Variants in GRIK2 observed in about 807,000 individuals in gnomAD.
The protein encoded by GRIK2 is glutamate receptor ionotropic, kainate 2.
Under a neutral mutation model 100.3 loss-of-function variants are expected in GRIK2, and 32 were observed. The ratio of observed to expected loss-of-function variants is 0.32; its 90% CI spans 0.24 to 0.43. The LOEUF is 0.43. GRIK2 is among the 20% of genes least tolerant of loss of function. The pLI, the probability that GRIK2 is intolerant of heterozygous loss-of-function variation, is 1.00. For missense variants in GRIK2, 843 were observed against 1,114.9 expected (o/e 0.76, Z 3.47); for synonymous variants, 417 against 389.4 (o/e 1.07, Z -0.83).
chr6:101,407,710 A>T (rs758916549), intron 2 of GRIK2, among the ~76,000 whole-genome samples: 29 of 152,150 alleles, frequency 1.9e-4, no homozygotes, highest in Non-Finnish European at 3.5e-4. Flanking sequence ...TATTAAAGTG[A>T]GCACATATTA....
intron 7 of GRIK2, among the ~76,000 whole-genome samples, chr6:101,791,512 G>A (rs1157524073): frequency 9.9e-5 from 15 of 152,272 alleles, no homozygotes; most frequent in African/African-American, 3.6e-4. Flanking sequence ...ATGTAGTTGT[G>A]CGGTTTTGAG....
intron 10 of GRIK2, among the ~76,000 whole-genome samples, chr6:101,838,525 T>A (rs1257984973): frequency 6.6e-6 from 1 of 152,210 alleles, no homozygotes; most frequent in Non-Finnish European, 1.5e-5. Flanking sequence ...GACTGTGGTA[T>A]TACCTACGTA....
At chr6:101,677,624 G>C (rs1193791796) in intron 5 of GRIK2, among the ~76,000 whole-genome samples, 3 of 152,112 alleles carry the variant, frequency 2.0e-5, no homozygotes, top group African/African-American at 7.2e-5. Context: ...CTATGTAGTA[G>C]AGCCTGGATT....
At chr6:102,001,395 C>A (rs909649154) in intron 14 of GRIK2, among the ~76,000 whole-genome samples, 3 of 151,668 alleles carry the variant, frequency 2.0e-5, no homozygotes, top group Admixed American at 2.0e-4. Context: ...TGTGATGTTC[C>A]CCTCCCTGTG....
chr6:102,050,116 T>C (rs919345039), intron 15 of GRIK2, among the ~76,000 whole-genome samples: 1 of 152,122 alleles, frequency 6.6e-6, no homozygotes, highest in African/African-American at 2.4e-5. Flanking sequence ...ATTGAGAGTT[T>C]GTACAGGGTA....
At chr6:101,921,120 G>A (rs936357128) in intron 12 of GRIK2, among the ~76,000 whole-genome samples, 2 of 152,040 alleles carry the variant, frequency 1.3e-5, no homozygotes, top group Non-Finnish European at 1.5e-5. Flanking sequence ...AACTGCTGGA[G>A]TTTTGGGTTA....
At chr6:101,523,437 C>T (rs1562199518) in intron 2 of GRIK2, among the ~76,000 whole-genome samples, 1 of 152,076 alleles carries the variant, frequency 6.6e-6, no homozygotes, top group Admixed American at 6.6e-5. Context: ...AGTAGAAGTA[C>T]AGCATAAGGG....
At chr6:101,663,172 G>C (rs1413619993) in intron 4 of GRIK2, among the ~76,000 whole-genome samples, 1 of 152,126 alleles carries the variant, frequency 6.6e-6, no homozygotes, top group Non-Finnish European at 1.5e-5. Context: ...GATGTATTAA[G>C]TGCCAGTATA....
chr6:101,409,067 T>A (rs1382857278), intron 2 of GRIK2, among the ~76,000 whole-genome samples: 1 of 151,980 alleles, frequency 6.6e-6, no homozygotes, highest in Non-Finnish European at 1.5e-5. Flanking sequence ...CAATGTTTTA[T>A]GTTTAGTTCC....
intron 14 of GRIK2, among the ~76,000 whole-genome samples, chr6:102,007,430 A>G (rs1337849335): frequency 2.0e-5 from 3 of 152,132 alleles, no homozygotes; most frequent in Admixed American, 2.0e-4. Context: ...AGCTGTTAGA[A>G]TATTCTTTTC....
At position 101,549,473 on chromosome 6, in the gene GRIK2, A is replaced by G. The variant is rs559370232; in HGVS notation, c.116-72476A>G. On this transcript the variant is annotated intron_variant, in intron 2 of 16. Transcript: ENST00000369134. ...TAGTTCAATCCTGGCTCAAGATGAC[A>G]TTGTGTGTCTCTGCTGGCAATATAT... 2.3e-4 allele frequency among the ~76,000 whole-genome samples: 35 copies of G among 152,106 alleles called. No individual in the cohort carries two copies. In the East Asian group the frequency reaches 5.6e-3, roughly 24 times the overall value.
chr6:101,806,630 T>G (rs1185742151), intron 9 of GRIK2, among the ~76,000 whole-genome samples: 2 of 151,774 alleles, frequency 1.3e-5, no homozygotes, highest in Admixed American at 6.6e-5. Context: ...CAGAGGGTTT[T>G]TTTTTTTTTC....
chr6:101,702,069 T>A (rs1772938848), intron 7 of GRIK2, among the ~76,000 whole-genome samples: 1 of 13,920 alleles, frequency 7.2e-5, no homozygotes, highest in South Asian at 1.9e-3. Context: ...CTTATTTTTC[T>A]ATAACCAGTT....
intron 11 of GRIK2, among the ~76,000 whole-genome samples, chr6:101,870,603 T>A (rs1274676232): frequency 6.6e-6 from 1 of 151,872 alleles, no homozygotes; most frequent in Non-Finnish European, 1.5e-5. Flanking sequence ...TGGGTAGATA[T>A]AAATTATCCA....
At chr6:101,396,921 A>G (rs1023916220) in intron 1 of GRIK2, among the ~76,000 whole-genome samples, 2 of 152,206 alleles carry the variant, frequency 1.3e-5, no homozygotes, top group Admixed American at 1.3e-4. Flanking sequence ...AAAAAGTACA[A>G]TCTTTTAACT....
rs187388547 is a variant in GRIK2 at position 101,607,185 on chromosome 6, G to T, written c.116-14764G>T. 3.9e-5 allele frequency among the ~76,000 whole-genome samples: 6 copies of T among 152,028 alleles called. No homozygotes were observed. In the East Asian group the frequency reaches 1.2e-3, roughly 30 times the overall value. ...TTCTTGAAAGTTGGGTTGGGAAACC[G>T]TTTCAGTTGTGGCTTATGTATATTT... On this transcript the variant is annotated intron_variant, in intron 2 of 16. Transcript: ENST00000369134.
intron 7 of GRIK2, among the ~76,000 whole-genome samples, chr6:101,789,966 C>A (rs576462097): frequency 6.6e-6 from 1 of 152,242 alleles, no homozygotes; most frequent in East Asian, 1.9e-4. Context: ...CTCTTTGAAG[C>A]AATTGTGAAT....
At chr6:101,459,691 C>G (rs749802536) in intron 2 of GRIK2, among the ~76,000 whole-genome samples, 1 of 151,834 alleles carries the variant, frequency 6.6e-6, no homozygotes, top group East Asian at 1.9e-4. Flanking sequence ...GAATGAGTAC[C>G]GAAATATAAA....
At chr6:101,785,741 C>T (rs1380696554) in intron 7 of GRIK2, among the ~76,000 whole-genome samples, 3 of 152,038 alleles carry the variant, frequency 2.0e-5, no homozygotes, top group African/African-American at 7.2e-5. Flanking sequence ...ATTTTAAGGT[C>T]AGGTATTGTG....
Sources: allele counts gnomAD v4.1 joint callset (sites outside exome capture counted in the v4.1 genomes callset), GRCh38; gene constraint gnomAD v4.1.1; transcripts MANE v1.5; gene names NCBI Gene and HGNC (gene_info 2026-07-23, HGNC 2026-07-21).